Variants in ICAM2 observed in about 807,000 individuals in gnomAD.
ICAM2 encodes ICAM-2.
ICAM2 carries 14 observed loss-of-function variants against 19.1 expected under a neutral mutation model. That is an observed-to-expected ratio of 0.73 (90% CI 0.48 to 1.15). The LOEUF (loss-of-function observed/expected upper bound fraction) is 1.15, where lower values mean the gene tolerates loss of function less well. Ranked by LOEUF, ICAM2 falls within the 50% of genes most tolerant of loss-of-function variation. The pLI, the probability that ICAM2 is intolerant of heterozygous loss-of-function variation, is 0.00. For missense variants in ICAM2, 311 were observed against 355.4 expected (o/e 0.88, Z 1.00); for synonymous variants, 153 against 152.7 (o/e 1.00, Z -0.01).
intron 1 of ICAM2, among the ~76,000 whole-genome samples, chr17:64,011,051 C>T (rs1361927160): frequency 6.6e-6 from 1 of 151,878 alleles, no homozygotes; most frequent in Non-Finnish European, 1.5e-5. Flanking sequence ...TGGGCACAGA[C>T]CAGCCCAATG....
At chr17:64,003,605 A>C (rs769143261) in intron 4 of ICAM2, 39 bp downstream of exon 4, 1 of 1,571,576 alleles carries the variant, frequency 6.4e-7, no homozygotes, top group East Asian at 2.2e-5. Flanking sequence ...GCTGAAAGTG[A>C]CTTATCACTC....
chr17:64,014,387 G>A (rs1911592322), intron 1 of ICAM2, among the ~76,000 whole-genome samples: 1 of 65,236 alleles, frequency 1.5e-5, no homozygotes, highest in Non-Finnish European at 3.8e-5. Context: ...AAGGAAGGAA[G>A]GAAGGAAGGA....
intron 1 of ICAM2, among the ~76,000 whole-genome samples, chr17:64,011,617 A>G: frequency 6.6e-6 from 1 of 152,142 alleles, no homozygotes; most frequent in East Asian, 1.9e-4. Flanking sequence ...TGTTGATGAC[A>G]GCTGGGCATG....
In ICAM2 at chr17:64,002,800, T is replaced by TGCCC; in HGVS notation, c.771_774dup (p.Thr259GlyfsTer47). ...CTCCAAGCCGCTCGCACCCCGTAGG[T>TGCCC]GCCCATCCGCTGCTGGCGCAAGTGC... On this transcript the variant is annotated frameshift_variant, in exon 5 of 5. Coordinates refer to ENST00000579788, the MANE Select transcript of ICAM2 (RefSeq NM_001099789.2). LOFTEE classifies it low-confidence loss of function (END_TRUNC). 6.2e-7 allele frequency: 1 copy of TGCCC among 1,613,578 alleles called. No homozygotes were observed. The highest frequency in any genetic ancestry group is 8.5e-7 in the Non-Finnish European group (1 of 1,179,952).
intron 1 of ICAM2, among the ~76,000 whole-genome samples, chr17:64,014,435 GGA>G (rs1911601570): frequency 7.6e-6 from 1 of 132,450 alleles, no homozygotes; most frequent in Non-Finnish European, 1.6e-5. Context: ...AAGGAAGGAA[GGA>G]AGAGAGAGAG....
chr17:64,008,652 T>A (rs1911317659), intron 1 of ICAM2, among the ~76,000 whole-genome samples: 1 of 152,192 alleles, frequency 6.6e-6, no homozygotes, highest in Admixed American at 6.5e-5. Context: ...CCATGGTGAC[T>A]GTTGAAGCCC....
At position 64,003,711 on chromosome 17, in the gene ICAM2, C is replaced by T; in HGVS notation, c.582G>A (p.Leu194=). The T allele has an allele frequency of 6.2e-7, 1 of 1,614,196 alleles. No individual in the cohort carries two copies. The highest frequency in any genetic ancestry group is 2.2e-5 in the East Asian group (1 of 44,882). ...TGTTGCCACCGCGAGACATCAAGTC[C>T]AGCACAGCCAGGCAGGAGAAGTTGC... is the stretch of plus-strand genomic sequence containing the variant. ...GHRNFSCLAV[L]DLMSRGGNIF... is the part of the protein sequence containing the mutation. Residue 194 remains leucine (L), a synonymous_variant, in exon 4 of 5, where the codon CTG becomes CTA. Coordinates refer to ENST00000579788, the MANE Select transcript of ICAM2 (RefSeq NM_001099789.2).
chr17:64,008,063 G>A (rs1911293512), intron 1 of ICAM2, among the ~76,000 whole-genome samples: 2 of 152,194 alleles, frequency 1.3e-5, no homozygotes, highest in Non-Finnish European at 2.9e-5. Context: ...GGTTGGGAGG[G>A]CAGGGTGAGG....
At chr17:64,006,583 C>A (rs771409505) in intron 2 of ICAM2, 48 bp downstream of exon 2, 35 of 1,561,688 alleles carry the variant, frequency 2.2e-5, no homozygotes, top group Middle Eastern at 1.7e-4. Context: ...CACCCCCACC[C>A]TCTCGGCTGG....
chr17:64,020,144 G>A (rs931279973), intron 1 of ICAM2, among the ~76,000 whole-genome samples: 31 of 151,876 alleles, frequency 2.0e-4, no homozygotes, highest in Non-Finnish European at 1.0e-4. Context: ...GGGAGAACAG[G>A]GACTGTCCCT....
intron 1 of ICAM2, among the ~76,000 whole-genome samples, chr17:64,012,524 C>T (rs1335101006): frequency 1.3e-5 from 2 of 152,072 alleles, no homozygotes; most frequent in African/African-American, 4.8e-5. Flanking sequence ...TGCTTGAACC[C>T]GGGAGGTGGA....
At chr17:64,008,874 G>A (rs1249006178) in intron 1 of ICAM2, among the ~76,000 whole-genome samples, 1 of 152,092 alleles carries the variant, frequency 6.6e-6, no homozygotes, top group Non-Finnish European at 1.5e-5. Flanking sequence ...TACACAGCAG[G>A]GCCAGCCTGA....
At chr17:64,019,670 T>C (rs1393757983) in intron 1 of ICAM2, among the ~76,000 whole-genome samples, 1 of 151,722 alleles carries the variant, frequency 6.6e-6, no homozygotes, top group Non-Finnish European at 1.5e-5. Context: ...AAAAATTAGC[T>C]GGGCATGGTG....
intron 1 of ICAM2, among the ~76,000 whole-genome samples, chr17:64,010,984 A>C (rs916690503): frequency 7.9e-5 from 12 of 152,302 alleles, no homozygotes; most frequent in African/African-American, 2.9e-4. Context: ...CTAATATCCA[A>C]AATATATAAG....
chr17:64,014,372 A>G (rs1195816255), intron 1 of ICAM2, among the ~76,000 whole-genome samples: 6 of 59,414 alleles, frequency 1.0e-4, no homozygotes, highest in African/African-American at 2.9e-4. Context: ...AGAAAGAAAG[A>G]AAGAAAGGAA....
At chr17:64,012,954 A>T (rs1911513539) in intron 1 of ICAM2, among the ~76,000 whole-genome samples, 1 of 152,210 alleles carries the variant, frequency 6.6e-6, no homozygotes. Flanking sequence ...AAGTATATAA[A>T]TTCTAAACCA....
chr17:64,008,391 T>C (rs1911307679), intron 1 of ICAM2, among the ~76,000 whole-genome samples: 1 of 152,098 alleles, frequency 6.6e-6, no homozygotes, highest in Non-Finnish European at 1.5e-5. Context: ...AGACTCTGTG[T>C]CCTCCACTGA....
intron 1 of ICAM2, among the ~76,000 whole-genome samples, chr17:64,018,908 G>A (rs1387872404): frequency 6.6e-6 from 1 of 151,628 alleles, no homozygotes; most frequent in Middle Eastern, 3.2e-3. Flanking sequence ...TTTTAGTAGA[G>A]ATGGGGTTTC....
intron 1 of ICAM2, among the ~76,000 whole-genome samples, chr17:64,020,161 C>T (rs988011823): frequency 3.3e-5 from 5 of 151,996 alleles, no homozygotes; most frequent in African/African-American, 1.2e-4. Context: ...CCCTTCCCCT[C>T]TGCATCAGCT....
Sources: gnomAD v4.1 joint callset for allele counts (sites outside exome capture counted in the v4.1 genomes callset) on GRCh38, gnomAD v4.1.1 for gene constraint, MANE v1.5 for transcripts, NCBI Gene and HGNC (gene_info 2026-07-23, HGNC 2026-07-21) for gene names.